Variants in UPRT observed in about 807,000 individuals in gnomAD.
UPRT encodes uracil phosphoribosyltransferase homolog.
A neutral mutation model predicts 22.6 loss-of-function variants in UPRT; 5 were observed. The observed-to-expected ratio is 0.22, with a 90% CI of 0.12 to 0.47. The LOEUF (loss-of-function observed/expected upper bound fraction) is 0.47. Among genes scored for constraint, UPRT ranks in the 20% least tolerant of loss-of-function variants. The probability of loss-of-function intolerance (pLI) is 0.99; values close to 1 mark genes in which losing one functional copy is unlikely to be tolerated. For synonymous variants in UPRT, 77 were observed against 87.7 expected (o/e 0.88, Z 0.68); for missense variants, 181 against 239.9 (o/e 0.75, Z 1.62).
At chrX:75,238,082 T>G (rs2082475538) in intron 4 of UPRT, among the ~76,000 whole-genome samples, 1 of 111,026 alleles carries the variant, frequency 9.0e-6, no homozygotes, top group South Asian at 3.8e-4. Flanking sequence ...AAAAACAAGG[T>G]ATTTGGGTAA....
At chrX:75,175,087 C>T (rs1156480668) in intron 4 of UPRT, among the ~76,000 whole-genome samples, 2 of 110,628 alleles carry the variant, frequency 1.8e-5, no homozygotes, top group Non-Finnish European at 3.8e-5. Context: ...TGCTGCTCTC[C>T]CCTCTCCTTC....
chrX:75,253,484 T>A (rs766295036), intron 4 of UPRT, among the ~76,000 whole-genome samples: 1 of 112,339 alleles, frequency 8.9e-6, no homozygotes, highest in Non-Finnish European at 1.9e-5. Flanking sequence ...AGTTCAGCCA[T>A]TGTGGAAGAC....
intron 1 of UPRT, among the ~76,000 whole-genome samples, chrX:75,280,727 C>A (rs1394245611): frequency 9.0e-6 from 1 of 110,877 alleles, no homozygotes. Context: ...TTTGTTCTTT[C>A]TGCTTAGTCT....
intron 4 of UPRT, among the ~76,000 whole-genome samples, chrX:75,224,292 A>G (rs2082417742): frequency 1.8e-5 from 2 of 111,762 alleles, no homozygotes; most frequent in Non-Finnish European, 3.8e-5. Context: ...TTCCCCAAAT[A>G]TATGTGTCAT....
chrX:75,273,408 A>G (rs1357981694), upstream of UPRT, among the ~76,000 whole-genome samples: 3 of 111,658 alleles, frequency 2.7e-5, no homozygotes, highest in African/African-American at 9.8e-5. Context: ...AAGAACCTGC[A>G]TTTTAACAAG....
At chrX:75,248,227 G>A (rs150867440) in intron 4 of UPRT, among the ~76,000 whole-genome samples, 4 of 111,843 alleles carry the variant, frequency 3.6e-5, no homozygotes, top group Non-Finnish European at 5.6e-5. Flanking sequence ...TGACTTTGAC[G>A]AGAGAAGAAG....
intron 4 of UPRT, among the ~76,000 whole-genome samples, chrX:75,183,419 T>C (rs919111431): frequency 1.8e-5 from 2 of 112,084 alleles, no homozygotes; most frequent in African/African-American, 6.5e-5. Context: ...ATCCAGTCTA[T>C]CATTATTGGA....
chrX:75,228,711 A>G (rs973336138), intron 4 of UPRT, among the ~76,000 whole-genome samples: 1 of 111,987 alleles, frequency 8.9e-6, no homozygotes, highest in Non-Finnish European at 1.9e-5. Flanking sequence ...TGGGAACCAT[A>G]ACAGCTTAGT....
chrX:75,222,854 C>A (rs6655635), intron 4 of UPRT, among the ~76,000 whole-genome samples: 3,475 of 110,152 alleles, frequency 0.032, 147 homozygotes, highest in African/African-American at 0.11. Flanking sequence ...TGGTACCTAA[C>A]CTACAAGACA....
chrX:75,172,497 A>G (rs1207006275), intron 4 of UPRT, among the ~76,000 whole-genome samples: 3 of 111,803 alleles, frequency 2.7e-5, no homozygotes, highest in Non-Finnish European at 5.6e-5. Context: ...GAACTTGCCC[A>G]GGCTACCAGC....
chrX:75,164,364 ATC>A (rs2082207752), intron 3 of UPRT, among the ~76,000 whole-genome samples: 1 of 111,353 alleles, frequency 9.0e-6, no homozygotes, highest in Admixed American at 9.6e-5. Context: ...TAAAAAATAA[ATC>A]TCTGTTCTTT....
intron 4 of UPRT, among the ~76,000 whole-genome samples, chrX:75,196,392 G>A (rs1390102647): frequency 1.8e-5 from 2 of 112,257 alleles, no homozygotes; most frequent in East Asian, 5.6e-4. Flanking sequence ...TATTACAAAT[G>A]AGAAGTCTGA....
At chrX:75,265,714 T>C (rs1354632748) in intron 4 of UPRT, among the ~76,000 whole-genome samples, 2 of 112,058 alleles carry the variant, frequency 1.8e-5, no homozygotes, top group Non-Finnish European at 3.8e-5. Context: ...TTTGTTCTGT[T>C]GCTGGTGAGG....
At chrX:75,296,458 C>G in intron 3 of UPRT, 47 bp downstream of exon 3, 1 of 1,091,779 alleles carries the variant, frequency 9.2e-7, no homozygotes, top group Non-Finnish European at 1.3e-6. Flanking sequence ...AAATTCTGAG[C>G]TAGAATGGGG....
intron 4 of UPRT, among the ~76,000 whole-genome samples, chrX:75,235,959 AGGAGAAG>A (rs1334085952): frequency 2.0e-4 from 22 of 111,368 alleles, no homozygotes; most frequent in African/African-American, 7.2e-4. Context: ...GCAATGAGGC[AGGAGAAG>A]GAAATAAAGG....
chrX:75,173,555 G>T (rs1229054453), intron 4 of UPRT, among the ~76,000 whole-genome samples: 11 of 112,624 alleles, frequency 9.8e-5, no homozygotes, highest in Non-Finnish European at 2.1e-4. Flanking sequence ...CCTACACCGG[G>T]GCTGCAGGTG....
rs774066223 is a variant in UPRT, at chrX:75,303,928, C to T, written c.*417C>T. The T allele has an allele frequency of 4.1e-5, 5 of 120,873 alleles. No individual in the cohort carries two copies. Among genetic ancestry groups the T allele is most frequent in the Non-Finnish European group, 6.7e-5 (4 of 59,674 alleles). The allele number at this position is 120,873 out of a possible 1,213,427, so 10.0% of individuals were successfully genotyped here. ...AAGGTTTCACATATGTGGCTATTGC[C>T]ACATTCCTCTACTGTTTTCTTTCTG... On this transcript the variant is annotated 3_prime_UTR_variant, in exon 7 of 7. Coordinates refer to ENST00000373383, the MANE Select transcript of UPRT (RefSeq NM_145052.4).
intron 4 of UPRT, among the ~76,000 whole-genome samples, chrX:75,229,429 C>T (rs1443137791): frequency 8.9e-6 from 1 of 111,922 alleles, no homozygotes; most frequent in African/African-American, 3.2e-5. Flanking sequence ...ATACCCAATT[C>T]TTGCTCCAAG....
intron 4 of UPRT, among the ~76,000 whole-genome samples, chrX:75,229,485 C>A: frequency 8.9e-6 from 1 of 111,771 alleles, no homozygotes; most frequent in East Asian, 2.8e-4. Flanking sequence ...ATTCGCAGAC[C>A]CTTTCAAAGA....
Sources: gnomAD v4.1 joint callset for allele counts (sites outside exome capture counted in the v4.1 genomes callset) on GRCh38, gnomAD v4.1.1 for gene constraint, MANE v1.5 for transcripts, NCBI Gene and HGNC (gene_info 2026-07-23, HGNC 2026-07-21) for gene names.